The following MREG variants were observed in gnomAD, a reference collection of about 807,000 sequenced individuals.
MREG encodes the protein dilute suppressor protein homolog.
Under a neutral mutation model 28.5 loss-of-function variants are expected in MREG, and 31 were observed. The ratio of observed to expected loss-of-function variants is 1.09; its 90% confidence interval spans 0.82 to 1.47. The LOEUF (loss-of-function observed/expected upper bound fraction) is 1.47, where lower values mean the gene tolerates loss of function less well. MREG is among the 40% of genes most tolerant of loss of function. The pLI, the probability that MREG is intolerant of heterozygous loss-of-function variation, is 0.00. For missense variants in MREG, 256 were observed against 257.4 expected, an observed-to-expected ratio of 0.99 and a Z score of 0.04; for synonymous variants, 106 against 95.2, an observed-to-expected ratio of 1.11 and a Z score of -0.66.
intron 2 of MREG, among the ~76,000 whole-genome samples, chr2:215,971,874 C>T (rs1559181845): frequency 6.6e-6 from 1 of 152,184 alleles, no homozygotes; most frequent in Non-Finnish European, 1.5e-5. Context: ...TCAACATCAA[C>T]CAAGGATCTG....
chr2:215,956,623 C>T (rs570783186), intron 2 of MREG, among the ~76,000 whole-genome samples: 29 of 152,218 alleles, frequency 1.9e-4, no homozygotes, highest in Middle Eastern at 3.4e-3. Flanking sequence ...ACTGCAGCCT[C>T]GACCTCCCAA....
chr2:215,980,154 G>A (rs536951316), intron 2 of MREG, among the ~76,000 whole-genome samples: 1 of 151,884 alleles, frequency 6.6e-6, no homozygotes, highest in Admixed American at 6.6e-5. Context: ...TTCTGGATAT[G>A]GAGAAAGTTG....
upstream of MREG, among the ~76,000 whole-genome samples, chr2:216,014,656 A>T (rs1010749448): frequency 3.3e-5 from 5 of 151,382 alleles, no homozygotes; most frequent in African/African-American, 9.7e-5. Context: ...CTCAAAAAAA[A>T]AAAAATAAAA....
At chr2:215,939,738 A>G (rs570256432), downstream of MREG, 1 of 152,348 alleles carries the variant, frequency 6.6e-6, no homozygotes, top group African/African-American at 2.4e-5. Flanking sequence ...ATTTTGATGA[A>G]GATAATTGAA....
At chr2:215,948,900 C>G (rs991317128) in intron 2 of MREG, among the ~76,000 whole-genome samples, 1 of 152,010 alleles carries the variant, frequency 6.6e-6, no homozygotes, top group African/African-American at 2.4e-5. Flanking sequence ...ATCAGTGTAG[C>G]ACAATTAAGA....
chr2:215,981,389 T>C (rs1693426065), intron 2 of MREG, among the ~76,000 whole-genome samples: 1 of 152,196 alleles, frequency 6.6e-6, no homozygotes, highest in Admixed American at 6.5e-5. Context: ...TTACGCTAAG[T>C]GAAGCAAGCT....
intron 2 of MREG, among the ~76,000 whole-genome samples, chr2:215,973,741 A>G (rs1693168370): frequency 6.6e-6 from 1 of 152,226 alleles, no homozygotes; most frequent in African/African-American, 2.4e-5. Context: ...TGTACACTGG[A>G]ACAAAAAATA....
chr2:215,949,075 C>A (rs201556638), intron 2 of MREG, among the ~76,000 whole-genome samples: 20,301 of 101,938 alleles, frequency 0.2, 1,511 homozygotes, highest in East Asian at 0.44. Context: ...ACTACTACTA[C>A]TACTACTACT....
chr2:215,999,089 A>G (rs1693946003), intron 1 of MREG, among the ~76,000 whole-genome samples: 1 of 152,234 alleles, frequency 6.6e-6, no homozygotes, highest in African/African-American at 2.4e-5. Context: ...CCAAAGCAGT[A>G]TATGGAGGCT....
chr2:216,019,439 A>G (rs886759615), intron 1 of MREG, among the ~76,000 whole-genome samples: 3 of 151,296 alleles, frequency 2.0e-5, no homozygotes, highest in African/African-American at 7.3e-5. Flanking sequence ...GACACTATCT[A>G]TCTGTTTCTG....
At chr2:215,966,133 G>C (rs1291684607) in intron 2 of MREG, among the ~76,000 whole-genome samples, 1 of 152,116 alleles carries the variant, frequency 6.6e-6, no homozygotes, top group Non-Finnish European at 1.5e-5. Context: ...TGAATCAGAG[G>C]GACAGGTCTA....
chr2:215,957,102 C>T (rs1333831440), intron 2 of MREG, among the ~76,000 whole-genome samples: 3 of 151,250 alleles, frequency 2.0e-5, no homozygotes, highest in Non-Finnish European at 2.9e-5. Context: ...AGAGGGTGGG[C>T]AAGGGAGGAA....
intron 2 of MREG, among the ~76,000 whole-genome samples, chr2:215,950,070 A>T (rs1356148380): frequency 2.0e-5 from 3 of 152,242 alleles, no homozygotes; most frequent in African/African-American, 7.2e-5. Context: ...ATTGTTAGTC[A>T]CACTTGATTA....
chr2:215,939,951 TCTAG>T (rs545696551), downstream of MREG, among the ~76,000 whole-genome samples: 2 of 152,258 alleles, frequency 1.3e-5, no homozygotes, highest in South Asian at 4.1e-4. Flanking sequence ...CTAAGCTTCC[TCTAG>T]CTATTATGTC....
chr2:215,940,297 C>A (rs146493250), downstream of MREG, among the ~76,000 whole-genome samples: 7 of 152,094 alleles, frequency 4.6e-5, no homozygotes, highest in Non-Finnish European at 7.3e-5. Context: ...TCATCCTGTA[C>A]GTAGTTGTGA....
Position 215,945,708 on chromosome 2 carries a change from A to G in MREG, c.373T>C (p.Leu125=), listed in dbSNP as rs1250183451. ...ATGGTGCTGAGTTTAGTCACTGACA[A>G]CAAAGAGTCAGCTTCCTTTTGAAAA... ...LGFQKEADSL[L]SVTKLSTISD... The change falls in exon 4 of 5, where the codon TTG becomes CTG. Residue 125 remains leucine, a synonymous_variant. Coordinates refer to ENST00000263268, the MANE Select transcript of MREG (RefSeq NM_018000.3). 6.2e-7 allele frequency: 1 copy of G among 1,613,534 alleles called. No homozygotes were observed. Among genetic ancestry groups the G allele is most frequent in the Non-Finnish European group, 8.5e-7 (1 of 1,179,724 alleles).
intron 2 of MREG, among the ~76,000 whole-genome samples, chr2:215,969,391 C>T (rs777036818): frequency 3.9e-5 from 6 of 152,190 alleles, no homozygotes; most frequent in Admixed American, 1.3e-4. Flanking sequence ...TTAAGTGTGT[C>T]AAGAACTGTA....
chr2:215,949,466 C>T (rs999644186), intron 2 of MREG, among the ~76,000 whole-genome samples: 7 of 151,122 alleles, frequency 4.6e-5, no homozygotes, highest in Non-Finnish European at 8.8e-5. Flanking sequence ...GAGGCTGAGG[C>T]AGGAGAATTG....
At chr2:215,999,396 T>C (rs1693953249) in intron 1 of MREG, among the ~76,000 whole-genome samples, 1 of 152,158 alleles carries the variant, frequency 6.6e-6, no homozygotes, top group Admixed American at 6.5e-5. Flanking sequence ...CAAGCCATGC[T>C]CTTTGAGGTC....
Sources: allele counts gnomAD v4.1 joint callset (sites outside exome capture counted in the v4.1 genomes callset), GRCh38; gene constraint gnomAD v4.1.1; transcripts MANE v1.5; gene names NCBI Gene and HGNC (gene_info 2026-07-23, HGNC 2026-07-21).